The following RAB38 variants were observed in gnomAD, a reference collection of about 807,000 sequenced individuals.
The protein encoded by RAB38 is ras-related protein Rab-38.
A neutral mutation model predicts 18.4 loss-of-function variants in RAB38; 15 were observed. That is an observed-to-expected ratio of 0.82 (90% CI 0.55 to 1.26). The LOEUF (loss-of-function observed/expected upper bound fraction) is 1.26, where lower values mean the gene tolerates loss of function less well. Among genes scored for constraint, RAB38 ranks in the 50% most tolerant of loss-of-function variants. The pLI is 0.00. For missense variants in RAB38, 294 were observed against 267.4 expected (o/e 1.10, Z -0.69); for synonymous variants, 101 against 104.4 (o/e 0.97, Z 0.20).
intron 2 of RAB38, among the ~76,000 whole-genome samples, chr11:88,131,313 A>AT (rs1471694421): frequency 2.6e-5 from 4 of 152,042 alleles, no homozygotes; most frequent in African/African-American, 4.8e-5. Flanking sequence ...TTTCTGTGTG[A>AT]TTTTTTTCCA....
At chr11:87,911,591 T>A in the RAB38 span, among the ~76,000 whole-genome samples, 1 of 152,076 alleles carries the variant, frequency 6.6e-6, no homozygotes, top group African/African-American at 2.4e-5. Flanking sequence ...CATGATTGAT[T>A]TTTATACATA....
At chr11:88,119,742 C>T (rs1271921438) in intron 2 of RAB38, among the ~76,000 whole-genome samples, 1 of 151,956 alleles carries the variant, frequency 6.6e-6, no homozygotes, top group Non-Finnish European at 1.5e-5. Flanking sequence ...AATTCATCCT[C>T]CCATAATCTT....
chr11:88,153,956 G>A (rs1005008714), intron 1 of RAB38, among the ~76,000 whole-genome samples: 3 of 152,192 alleles, frequency 2.0e-5, no homozygotes, highest in African/African-American at 7.2e-5. Flanking sequence ...AACTCAAATT[G>A]AAGAATACCC....
chr11:88,172,381 A>G (rs1565223422), intron 1 of RAB38, among the ~76,000 whole-genome samples: 1 of 152,230 alleles, frequency 6.6e-6, no homozygotes, highest in South Asian at 2.1e-4. Context: ...CTACATGGCT[A>G]TAAGAGACAC....
chr11:87,920,944 A>T, the RAB38 span, among the ~76,000 whole-genome samples: 2 of 152,080 alleles, frequency 1.3e-5, no homozygotes, highest in South Asian at 4.1e-4. Context: ...ATAATTAGAG[A>T]TTTACTGGCT....
chr11:88,109,118 G>A (rs1403734241), downstream of RAB38, among the ~76,000 whole-genome samples: 1 of 151,882 alleles, frequency 6.6e-6, no homozygotes, highest in African/African-American at 2.4e-5. Flanking sequence ...ATGTGTCTTA[G>A]TGTTGCTCCT....
chr11:88,083,164 G>A, the RAB38 span, among the ~76,000 whole-genome samples: 6 of 151,762 alleles, frequency 4.0e-5, no homozygotes, highest in South Asian at 2.1e-4. Flanking sequence ...AAATATTATC[G>A]TTACAATAAA....
chr11:88,027,336 G>A, the RAB38 span, among the ~76,000 whole-genome samples: 1 of 152,124 alleles, frequency 6.6e-6, no homozygotes. Flanking sequence ...CTGAGGTACT[G>A]GGTTCATCTC....
At chr11:88,166,929 T>C (rs935007592) in intron 1 of RAB38, 7 of 152,304 alleles carry the variant, frequency 4.6e-5, no homozygotes, top group East Asian at 1.9e-4. Flanking sequence ...AATTAAGGCA[T>C]TGATACAATA....
At chr11:87,841,703 C>T in the RAB38 span, among the ~76,000 whole-genome samples, 2 of 152,144 alleles carry the variant, frequency 1.3e-5, no homozygotes, top group African/African-American at 4.8e-5. Flanking sequence ...GAATGTACAA[C>T]CTGATCTGGA....
the RAB38 span, among the ~76,000 whole-genome samples, chr11:87,833,180 G>A: frequency 6.6e-6 from 1 of 152,100 alleles, no homozygotes. Context: ...TGTTCTGACA[G>A]CCAAGTTCCT....
intron 1 of RAB38, among the ~76,000 whole-genome samples, chr11:88,156,925 C>T (rs1943134489): frequency 6.6e-6 from 1 of 152,138 alleles, no homozygotes; most frequent in South Asian, 2.1e-4. Flanking sequence ...AGCAACCACA[C>T]AATAGAAACT....
chr11:87,906,631 A>G, the RAB38 span, among the ~76,000 whole-genome samples: 1 of 151,974 alleles, frequency 6.6e-6, no homozygotes, highest in Non-Finnish European at 1.5e-5. Context: ...TCCAAGTAGT[A>G]CAAGAGATTA....
At chr11:88,160,836 G>C (rs1943180820) in intron 1 of RAB38, among the ~76,000 whole-genome samples, 1 of 152,074 alleles carries the variant, frequency 6.6e-6, no homozygotes, top group African/African-American at 2.4e-5. Flanking sequence ...ACTGGAGTGA[G>C]AAGAAAAGAA....
the RAB38 span, among the ~76,000 whole-genome samples, chr11:88,069,113 G>A: frequency 1.3e-5 from 2 of 152,212 alleles, no homozygotes; most frequent in African/African-American, 2.4e-5. Context: ...AGCTCCCGGT[G>A]GGCATGAGCT....
At chr11:87,959,833 C>A in the RAB38 span, among the ~76,000 whole-genome samples, 1 of 152,148 alleles carries the variant, frequency 6.6e-6, no homozygotes. Flanking sequence ...CAGGGTATCA[C>A]GTCAGAAGAA....
At chr11:87,951,293 C>CTAAT in the RAB38 span, among the ~76,000 whole-genome samples, 1 of 151,940 alleles carries the variant, frequency 6.6e-6, no homozygotes, top group East Asian at 1.9e-4. Context: ...ATCCATTCTT[C>CTAAT]TAATTTTTTT....
the RAB38 span, among the ~76,000 whole-genome samples, chr11:88,077,532 C>T: frequency 6.6e-6 from 1 of 151,908 alleles, no homozygotes; most frequent in South Asian, 2.1e-4. Context: ...AACAAGGGAG[C>T]CAAGAACATG....
At chr11:87,854,768 A>G in the RAB38 span, among the ~76,000 whole-genome samples, 1 of 152,126 alleles carries the variant, frequency 6.6e-6, no homozygotes, top group African/African-American at 2.4e-5. Context: ...TTCCGAAGAC[A>G]TTTCATGCAT....
Sources: gnomAD v4.1 joint callset for allele counts (sites outside exome capture counted in the v4.1 genomes callset) on GRCh38, gnomAD v4.1.1 for gene constraint, MANE v1.5 for transcripts, NCBI Gene and HGNC (gene_info 2026-07-23, HGNC 2026-07-21) for gene names.